The following CCDC102B variants were observed in gnomAD, a reference collection of about 807,000 sequenced individuals.
CCDC102B encodes the protein coiled-coil domain containing 102B, also known as coiled-coil domain-containing protein 102B.
CCDC102B carries 75 observed loss-of-function variants against 57.4 expected under a neutral mutation model. The ratio of observed to expected loss-of-function variants is 1.31; its 90% CI spans 1.08 to 1.58. The LOEUF (loss-of-function observed/expected upper bound fraction) is 1.58. CCDC102B is among the 40% of genes most tolerant of loss of function. The pLI, the probability that CCDC102B is intolerant of heterozygous loss-of-function variation, is 0.00. For missense variants in CCDC102B, 636 were observed against 582.6 expected (o/e 1.09, Z -0.94); for synonymous variants, 206 against 201.9 (o/e 1.02, Z -0.17).
intron 1 of CCDC102B, among the ~76,000 whole-genome samples, chr18:68,819,274 T>C (rs1182358886): frequency 1.3e-5 from 2 of 152,106 alleles, no homozygotes; most frequent in Non-Finnish European, 2.9e-5. Context: ...GAACTGACTG[T>C]TTTAAAAGCT....
intron 2 of CCDC102B, chr18:68,753,167 GA>G (rs2145250733): frequency 6.6e-6 from 1 of 152,142 alleles, no homozygotes; most frequent in South Asian, 2.1e-4. Flanking sequence ...AAAGAATGGG[GA>G]ATGCAAATAA....
chr18:68,748,061 A>G (rs1015699928), intron 2 of CCDC102B, among the ~76,000 whole-genome samples: 1 of 152,106 alleles, frequency 6.6e-6, no homozygotes, highest in Admixed American at 6.6e-5. Flanking sequence ...TAGCCTGACA[A>G]ATGTGAGATG....
chr18:68,995,884 C>T (rs994993853), intron 6 of CCDC102B, among the ~76,000 whole-genome samples: 2 of 152,138 alleles, frequency 1.3e-5, no homozygotes, highest in African/African-American at 4.8e-5. Flanking sequence ...TCAATGCCAG[C>T]CCATGAAAGC....
At chr18:69,012,894 A>G (rs949488722) in intron 7 of CCDC102B, among the ~76,000 whole-genome samples, 1 of 152,166 alleles carries the variant, frequency 6.6e-6, no homozygotes, top group South Asian at 2.1e-4. Context: ...TAATTTTAAA[A>G]ACCCAAATAT....
chr18:68,873,415 A>C (rs2039312222), intron 4 of CCDC102B, among the ~76,000 whole-genome samples: 1 of 152,092 alleles, frequency 6.6e-6, no homozygotes, highest in Non-Finnish European at 1.5e-5. Context: ...CCTTTTAGAC[A>C]ATTATTTCAA....
chr18:68,751,445 G>A (rs888982857), intron 2 of CCDC102B, among the ~76,000 whole-genome samples: 3 of 151,950 alleles, frequency 2.0e-5, no homozygotes, highest in African/African-American at 7.3e-5. Flanking sequence ...CTATGCTTGG[G>A]GGCCGCTGTA....
At chr18:68,866,298 A>G (rs1568298828) in intron 4 of CCDC102B, among the ~76,000 whole-genome samples, 1 of 152,214 alleles carries the variant, frequency 6.6e-6, no homozygotes, top group Non-Finnish European at 1.5e-5. Flanking sequence ...CAGAGTAAAA[A>G]CTTTCTCAAG....
intron 6 of CCDC102B, among the ~76,000 whole-genome samples, chr18:68,974,550 ATAGT>A (rs2050384784): frequency 6.6e-6 from 1 of 152,022 alleles, no homozygotes; most frequent in Admixed American, 6.6e-5. Flanking sequence ...CTTGTTGGAT[ATAGT>A]TATTTATGTG....
intron 6 of CCDC102B, among the ~76,000 whole-genome samples, chr18:68,960,109 T>C (rs952415600): frequency 6.6e-6 from 1 of 152,196 alleles, no homozygotes; most frequent in Non-Finnish European, 1.5e-5. Context: ...GTGTTACACC[T>C]ATAGCCAGTA....
intron 1 of CCDC102B, among the ~76,000 whole-genome samples, chr18:68,830,415 A>C (rs775134926): frequency 2.2e-4 from 34 of 152,034 alleles, no homozygotes; most frequent in Non-Finnish European, 4.4e-4. Flanking sequence ...TTTTGGCTTA[A>C]GGTCTCAAGA....
chr18:68,870,275 G>T (rs969603592), intron 4 of CCDC102B, among the ~76,000 whole-genome samples: 1 of 152,080 alleles, frequency 6.6e-6, no homozygotes, highest in African/African-American at 2.4e-5. Flanking sequence ...GGGTTGATAG[G>T]TGCAGCAAAC....
At chr18:68,881,935 C>T (rs184671394) in intron 5 of CCDC102B, among the ~76,000 whole-genome samples, 1 of 152,046 alleles carries the variant, frequency 6.6e-6, no homozygotes, top group Non-Finnish European at 1.5e-5. Flanking sequence ...GAATATAACT[C>T]TCCTATGCTA....
intron 4 of CCDC102B, among the ~76,000 whole-genome samples, chr18:68,867,254 T>A (rs1309792780): frequency 6.6e-6 from 1 of 152,180 alleles, no homozygotes; most frequent in Non-Finnish European, 1.5e-5. Flanking sequence ...CCTCCCGAAG[T>A]GCTGGGATTA....
At chr18:68,791,516 G>A (rs1013556896) in intron 2 of CCDC102B, among the ~76,000 whole-genome samples, 1 of 91,566 alleles carries the variant, frequency 1.1e-5, no homozygotes, top group Non-Finnish European at 2.2e-5. Flanking sequence ...ACAAAAATGG[G>A]TTTTGTAACA....
chr18:68,792,453 T>A (rs2035492911), intron 2 of CCDC102B, among the ~76,000 whole-genome samples: 1 of 152,212 alleles, frequency 6.6e-6, no homozygotes, highest in Non-Finnish European at 1.5e-5. Flanking sequence ...ATTTACTTAA[T>A]GTTCATATTT....
intron 7 of CCDC102B, among the ~76,000 whole-genome samples, chr18:69,042,758 A>G (rs1285702686): frequency 6.6e-6 from 1 of 151,594 alleles, no homozygotes; most frequent in African/African-American, 2.4e-5. Flanking sequence ...AAATATGACA[A>G]GTAATATTTA....
chr18:68,733,915 G>T (rs1349246532), intron 2 of CCDC102B, among the ~76,000 whole-genome samples: 1 of 152,144 alleles, frequency 6.6e-6, no homozygotes, highest in Non-Finnish European at 1.5e-5. Context: ...AAAGAGTAAG[G>T]TCCGAACAAC....
intron 6 of CCDC102B, among the ~76,000 whole-genome samples, chr18:69,001,709 C>T (rs1341927411): frequency 4.0e-5 from 6 of 151,880 alleles, no homozygotes; most frequent in Non-Finnish European, 7.4e-5. Flanking sequence ...AATTTCATAT[C>T]TCTGTCCTTG....
At chr18:68,716,827 C>A (rs888308915) in intron 2 of CCDC102B, among the ~76,000 whole-genome samples, 3 of 151,918 alleles carry the variant, frequency 2.0e-5, no homozygotes, top group African/African-American at 7.3e-5. Flanking sequence ...ACCTGTAATC[C>A]CAGCACTTTG....
Sources: allele counts gnomAD v4.1 joint callset (sites outside exome capture counted in the v4.1 genomes callset), GRCh38; gene constraint gnomAD v4.1.1; transcripts MANE v1.5; gene names NCBI Gene and HGNC (gene_info 2026-07-23, HGNC 2026-07-21).